TRPC3: variants seen among roughly 807,000 people sequenced by gnomAD.
The protein encoded by TRPC3 is short transient receptor potential channel 3.
TRPC3 carries 54 observed loss-of-function variants against 90.9 expected under a neutral mutation model. The ratio of observed to expected loss-of-function variants is 0.59; its 90% CI spans 0.48 to 0.75. The LOEUF is 0.75. TRPC3 is among the 30% of genes least tolerant of loss of function. TRPC3 has a pLI of 0.00. For missense variants in TRPC3, 918 were observed against 1,194.5 expected (o/e 0.77, Z 3.41); for synonymous variants, 424 against 450.9 (o/e 0.94, Z 0.75).
chr4:121,880,689 G>A (rs750510412), intron 11 of TRPC3, among the ~76,000 whole-genome samples: 22 of 152,120 alleles, frequency 1.4e-4, no homozygotes, highest in African/African-American at 3.4e-4. Context: ...GCAAGTGACC[G>A]TAATGTAGAT....
rs1425041339 is a variant in TRPC3, at chr4:121,878,512, C to G, written c.*1224G>C. On this transcript the variant is annotated 3_prime_UTR_variant, in exon 12 of 12. Transcript: ENST00000379645. ...TTTAAACCTAGCTGGTTAAAAAATG[C>G]TTTGAGTGTTTTATAGTCTCTGAAG... Among the ~76,000 whole-genome samples, 2 of 152,112 alleles carry G rather than the reference C, an allele frequency of 1.3e-5. No individual in the cohort carries two copies. Among genetic ancestry groups the G allele is most frequent in the Admixed American group, 1.3e-4 (2 of 15,268 alleles).
intron 1 of TRPC3, among the ~76,000 whole-genome samples, chr4:121,941,233 C>T (rs1169636550): frequency 2.6e-5 from 4 of 152,138 alleles, no homozygotes; most frequent in Non-Finnish European, 5.9e-5. Flanking sequence ...AGCATTATTA[C>T]GGAAGTCACC....
intron 9 of TRPC3, among the ~76,000 whole-genome samples, chr4:121,900,888 C>T (rs1489154322): frequency 6.6e-6 from 1 of 152,084 alleles, no homozygotes; most frequent in South Asian, 2.1e-4. Flanking sequence ...TTTCTATTTC[C>T]AGCATCTTCT....
At chr4:121,948,863 T>C (rs1730586330) in intron 1 of TRPC3, among the ~76,000 whole-genome samples, 1 of 103,894 alleles carries the variant, frequency 9.6e-6, no homozygotes, top group Admixed American at 1.1e-4. Context: ...TTTTTTGTTT[T>C]TGTTGTTGTT....
At chr4:121,908,581 C>T (rs1006524740) in intron 6 of TRPC3, among the ~76,000 whole-genome samples, 2 of 152,100 alleles carry the variant, frequency 1.3e-5, no homozygotes, top group African/African-American at 4.8e-5. Context: ...TTTGCAGCAA[C>T]ATGAATGCAG....
At chr4:121,940,824 T>C (rs1414196758) in intron 1 of TRPC3, among the ~76,000 whole-genome samples, 1 of 152,370 alleles carries the variant, frequency 6.6e-6, no homozygotes. Flanking sequence ...GTGACAATCA[T>C]GTCCTCAGTT....
intron 10 of TRPC3, among the ~76,000 whole-genome samples, chr4:121,894,252 G>A (rs1728432453): frequency 6.6e-6 from 1 of 151,936 alleles, no homozygotes; most frequent in African/African-American, 2.4e-5. Context: ...TTTAAAAAGA[G>A]ACAAAGAAAG....
At chr4:121,897,624 T>TA (rs1371232638) in intron 10 of TRPC3, among the ~76,000 whole-genome samples, 6 of 150,892 alleles carry the variant, frequency 4.0e-5, no homozygotes, top group Non-Finnish European at 7.4e-5. Context: ...TCACTCCAGT[T>TA]AGAATGTCTA....
rs1235400274 is a variant in TRPC3 at position 121,951,582 on chromosome 4, C to A, written c.99G>T (p.Pro33=). Reference sequence around the variant, plus strand: ...CCCTCCAGCCCCGGCGGCGGCGCTGCGGCTCCGCGCCCTCGTCCTCGCCCT... The same window carrying A: ...CCCTCCAGCCCCGGCGGCGGCGCTGAGGCTCCGCGCCCTCGTCCTCGCCCT... The part of the protein sequence containing the change: ...EDEGEDEGAE[P]QRRRRGWRGV... Residue 33 remains proline, a synonymous_variant, in exon 1 of 12, where the codon CCG becomes CCT. Coordinates refer to ENST00000379645, the MANE Select transcript of TRPC3 (RefSeq NM_001130698.2). This position sits in a 1 kb window ranked among gnomAD's most constrained non-coding sequence, Gnocchi z 4.4. The A allele has an allele frequency of 2.1e-6, 3 of 1,451,674 alleles. No homozygotes were observed. The highest frequency in any genetic ancestry group is 2.7e-5 in the Admixed American group (1 of 37,592). The allele number at this position is 1,451,674 out of a possible 1,614,324, so 89.9% of individuals were successfully genotyped here. A position where few individuals can be genotyped will look rare whatever the true frequency, so the allele number is the denominator to read the frequency against.
chr4:121,879,599 G>A lies in TRPC3; in HGVS notation c.*137C>T. On this transcript the variant is annotated 3_prime_UTR_variant, in exon 12 of 12. Coordinates refer to ENST00000379645, the MANE Select transcript of TRPC3 (RefSeq NM_001130698.2). ...TGTGATAAAACAATAAAACCATTAAGAGCTAACTTTTAAAGGTTCACATGA... is the reference window on the plus strand; with the variant it reads ...TGTGATAAAACAATAAAACCATTAAAAGCTAACTTTTAAAGGTTCACATGA... The A allele has an allele frequency of 1.1e-6, 1 of 888,330 alleles. No individual in the cohort carries two copies. Among genetic ancestry groups the A allele is most frequent in the Non-Finnish European group, 1.7e-6 (1 of 599,872 alleles). 55.0% of individuals were successfully genotyped at this position (888,330 alleles called of 1,614,324 possible). A position where few individuals can be genotyped will look rare whatever the true frequency, so the allele number is the denominator to read the frequency against.
chr4:121,889,801 C>T (rs1183896026), intron 10 of TRPC3, among the ~76,000 whole-genome samples: 2 of 152,116 alleles, frequency 1.3e-5, no homozygotes, highest in Admixed American at 6.5e-5. Context: ...TATGATCCAG[C>T]AATCCCACTA....
At position 121,927,030 on chromosome 4, in the gene TRPC3, A is replaced by G. The variant is rs375294173; in HGVS notation, c.988-1824T>C. On this transcript the variant is annotated intron_variant, in intron 2 of 11. Transcript: ENST00000379645. Reference sequence around the variant, plus strand: ...GAGGTAGATGGATACCCACCTGTATACAGAGGGTTTTTTGTTTGTTTGTTT... The same window carrying G: ...GAGGTAGATGGATACCCACCTGTATGCAGAGGGTTTTTTGTTTGTTTGTTT... Among the ~76,000 whole-genome samples the G allele has an allele frequency of 2.2e-4, 33 of 152,316 alleles. No homozygotes were observed. The South Asian group carries it at 2.3e-3, about 11-fold the overall frequency.
At chr4:121,924,961 T>C (rs773468516) in intron 3 of TRPC3, 57 bp downstream of exon 3, 20 of 1,520,184 alleles carry the variant, frequency 1.3e-5, no homozygotes, top group Admixed American at 6.1e-5. Flanking sequence ...GATTATGGCA[T>C]AGTTTGTATC....
intron 1 of TRPC3, among the ~76,000 whole-genome samples, chr4:121,937,135 G>A (rs557326981): frequency 7.9e-5 from 12 of 152,242 alleles, no homozygotes; most frequent in Admixed American, 5.9e-4. Flanking sequence ...AGTGTGACCT[G>A]AGTACCACCT....
chr4:121,896,580 T>A (rs539941342), intron 10 of TRPC3, among the ~76,000 whole-genome samples: 90 of 152,118 alleles, frequency 5.9e-4, no homozygotes, highest in African/African-American at 2.0e-3. Context: ...AGGTATAAAT[T>A]AACCAAGGAG....
Position 121,932,998 on chromosome 4 carries a change from C to A in TRPC3, c.260G>T (p.Arg87Leu). 1 of 1,606,594 alleles carries A rather than the reference C, an allele frequency of 6.2e-7. No individual in the cohort carries two copies. The highest frequency in any genetic ancestry group is 1.1e-5 in the South Asian group (1 of 90,030). The change falls in exon 2 of 12, where the codon CGG becomes CTG. Residue 87 changes from arginine to leucine, a missense_variant. Coordinates refer to ENST00000379645, the MANE Select transcript of TRPC3 (RefSeq NM_001130698.2). The surrounding 1 kb of genome is among the most constrained non-coding windows in gnomAD (Gnocchi z 7.7). The stretch of plus-strand genomic sequence containing the variant: ...GACAGCCTGGCGCCGGCCCTTCTCC[C>A]GCATCACTGTCATGCGTCTCAGGGA... ...SPSLRRMTVM[R>L]EKGRRQAVRG...
intron 10 of TRPC3, among the ~76,000 whole-genome samples, chr4:121,893,900 C>T (rs1158198020): frequency 6.6e-6 from 1 of 152,144 alleles, no homozygotes; most frequent in African/African-American, 2.4e-5. Context: ...CAAAGCAGCA[C>T]ATTTTAACCT....
chr4:121,888,346 A>G (rs1249742968), intron 10 of TRPC3, among the ~76,000 whole-genome samples: 1 of 152,214 alleles, frequency 6.6e-6, no homozygotes, highest in Non-Finnish European at 1.5e-5. Context: ...AAAAAAATGC[A>G]AAGTCATGGC....
chr4:121,933,315 A>C, intron 1 of TRPC3: 1 of 432,096 alleles, frequency 2.3e-6, no homozygotes, highest in East Asian at 5.0e-5. Flanking sequence ...ATAATAATAA[A>C]AATTTCCATA....
Sources: gnomAD v4.1 joint callset for allele counts (sites outside exome capture counted in the v4.1 genomes callset) on GRCh38, gnomAD v4.1.1 for gene constraint, Gnocchi (gnomAD v3.1) non-coding constraint, MANE v1.5 for transcripts, NCBI Gene and HGNC (gene_info 2026-07-23, HGNC 2026-07-21) for gene names.